The following LAMB1 variants were observed in gnomAD, a reference collection of about 807,000 sequenced individuals.
LAMB1 encodes laminin subunit beta-1.
LAMB1 carries 121 observed loss-of-function variants against 222.3 expected under a neutral mutation model. That is an observed-to-expected ratio of 0.54 (90% CI 0.47 to 0.63). The LOEUF (loss-of-function observed/expected upper bound fraction) is 0.63, where lower values mean the gene tolerates loss of function less well. LAMB1 is among the 30% of genes least tolerant of loss of function. The pLI, the probability that LAMB1 is intolerant of heterozygous loss-of-function variation, is 0.00. For synonymous variants in LAMB1, 794 were observed against 807.2 expected (o/e 0.98, Z 0.28); for missense variants, 2,172 against 2,240.8 (o/e 0.97, Z 0.62).
chr7:107,953,420 G>T, intron 22 of LAMB1, 110 bp downstream of exon 22: 2 of 863,682 alleles, frequency 2.3e-6, no homozygotes, highest in Non-Finnish European at 3.7e-6. Context: ...TTACCTCTCT[G>T]AACAAGTGTT....
At chr7:107,932,009 C>T (rs1158752027) in intron 28 of LAMB1, among the ~76,000 whole-genome samples, 165 bp downstream of exon 28, 2 of 152,204 alleles carry the variant, frequency 1.3e-5, no homozygotes, top group African/African-American at 2.4e-5. Context: ...AAAATCTCCC[C>T]ATCTCTTTCT....
At chr7:108,002,179 T>C (rs1218391631) in intron 2 of LAMB1, 1 of 1,402,056 alleles carries the variant, frequency 7.1e-7, no homozygotes, top group African/African-American at 1.4e-5. Context: ...TCGGTGTGAG[T>C]GTGCGCGTGG....
In LAMB1 at chr7:107,998,382, A is replaced by G. The variant is rs759250736; in HGVS notation, c.324T>C (p.Leu108=). The G allele has an allele frequency of 8.7e-6, 14 of 1,614,084 alleles. No individual in the cohort carries two copies. In the South Asian group the frequency reaches 1.5e-4, roughly 18 times the overall value. ...CATTTTCAGATTGCCACCAAATCTT[A>G]AGGCGGTTTGGAGCAAATGTAGTGA... ...NVVTTFAPNR[L]KIWWQSENGV... Residue 108 remains leucine (L), a synonymous_variant, in exon 4 of 34, where the codon CTT becomes CTC. Transcript: ENST00000222399.
intron 3 of LAMB1, among the ~76,000 whole-genome samples, chr7:108,001,193 G>C (rs994697389): frequency 1.3e-5 from 2 of 152,210 alleles, no homozygotes; most frequent in Admixed American, 1.3e-4. Context: ...GCGGTAGAGG[G>C]GGGTGGGGAA....
chr7:107,967,148 C>A (rs555724397), intron 13 of LAMB1, among the ~76,000 whole-genome samples: 5 of 152,356 alleles, frequency 3.3e-5, no homozygotes, highest in African/African-American at 1.2e-4. Context: ...CCCACACTGA[C>A]TTCTTATCCT....
At chr7:107,938,283 GATTAA>G (rs1220212319) in intron 25 of LAMB1, among the ~76,000 whole-genome samples, 2 of 152,192 alleles carry the variant, frequency 1.3e-5, no homozygotes, top group Non-Finnish European at 2.9e-5. Context: ...TAAAATGGTA[GATTAA>G]ATTACATTTC....
At chr7:107,928,603 C>G (rs967483750) in intron 31 of LAMB1, among the ~76,000 whole-genome samples, 2 of 152,054 alleles carry the variant, frequency 1.3e-5, no homozygotes, top group African/African-American at 4.8e-5. Context: ...AGCAATTCTC[C>G]TGCCTTAGCC....
chr7:107,964,648 G>T lies in LAMB1; in HGVS notation c.1602C>A (p.His534Gln), dbSNP rs1203685024. Residue 534 changes from histidine (H) to glutamine (Q), a missense_variant, in exon 14 of 34, where the codon CAC becomes CAA. His to Gln is a conservative substitution (Grantham distance 24, BLOSUM62 0). Transcript: ENST00000222399. ...AESGQCSCRP[H>Q]MIGRQCNEVE... ...CTTCGTTGCACTGACGTCCAATCAT[G>T]TGAGGCCGGCATGAGCACTGGCCTG... The T allele has an allele frequency of 6.2e-7, 1 of 1,614,032 alleles. No homozygotes were observed. The highest frequency in any genetic ancestry group is 1.7e-5 in the Admixed American group (1 of 60,004).
intron 24 of LAMB1, among the ~76,000 whole-genome samples, chr7:107,943,201 A>G (rs2033033254): frequency 6.6e-6 from 1 of 152,220 alleles, no homozygotes; most frequent in South Asian, 2.1e-4. Flanking sequence ...CTTATCTTGA[A>G]GATTAAAAAC....
At chr7:107,929,831 T>C (rs760912852) in intron 29 of LAMB1, 120 of 581,386 alleles carry the variant, frequency 2.1e-4, no homozygotes, top group Non-Finnish European at 3.3e-4. Flanking sequence ...AATTGAGTAC[T>C]ACTAGAATTT....
rs1184304424 is a variant in LAMB1, at chr7:107,986,194, T to G, written c.593A>C (p.Glu198Ala). The G allele has an allele frequency of 6.2e-7, 1 of 1,614,112 alleles. No homozygotes were observed. Among genetic ancestry groups the G allele is most frequent in the South Asian group, 1.1e-5 (1 of 91,070 alleles). Residue 198 changes from glutamate (E) to alanine (A), a missense_variant, in exon 6 of 34, where the codon GAA (glutamate) becomes GCA (alanine). Glu to Ala is a moderately radical substitution (Grantham distance 107). Coordinates refer to ENST00000222399, the MANE Select transcript of LAMB1 (RefSeq NM_002291.3). Reference sequence around the variant, plus strand: ...ACAAACCTCTCCTTCAGTTGAGGGTTCAATGTCAGAATATCGAGAATCACA... The same window carrying G: ...ACAAACCTCTCCTTCAGTTGAGGGTGCAATGTCAGAATATCGAGAATCACA... ...IICDSRYSDI[E>A]PSTEGEVIFR...
intron 7 of LAMB1, among the ~76,000 whole-genome samples, chr7:107,984,126 A>C (rs2034027380): frequency 6.6e-6 from 1 of 152,192 alleles, no homozygotes; most frequent in Admixed American, 6.5e-5. Flanking sequence ...AGCCCTCGCC[A>C]AGAGTGTTAG....
At chr7:108,001,522 G>A in intron 3 of LAMB1, 36 bp downstream of exon 3, 2 of 1,544,166 alleles carry the variant, frequency 1.3e-6, no homozygotes, top group South Asian at 1.2e-5. Flanking sequence ...GGGAGGAGGC[G>A]CTAGCAGAGC....
chr7:107,965,786 T>G (rs2033622832), intron 13 of LAMB1, among the ~76,000 whole-genome samples: 1 of 152,040 alleles, frequency 6.6e-6, no homozygotes, highest in Non-Finnish European at 1.5e-5. Context: ...CAGGAACACT[T>G]TGCACTCACA....
chr7:107,926,439 A>G (rs1233235269), intron 31 of LAMB1, 80 bp from the exon 32 acceptor site: 12 of 1,228,396 alleles, frequency 9.8e-6, no homozygotes, highest in Non-Finnish European at 1.3e-5. Flanking sequence ...AGGAAGATTT[A>G]AAAGTCTGCT....
At chr7:107,950,612 T>C (rs1391468858) in intron 24 of LAMB1, among the ~76,000 whole-genome samples, 1 of 152,236 alleles carries the variant, frequency 6.6e-6, no homozygotes, top group Non-Finnish European at 1.5e-5. Flanking sequence ...CACATTAAAC[T>C]GACTTGGAGC....
Position 107,953,686 on chromosome 7 carries a change from G to A in LAMB1, c.2923C>T (p.Pro975Ser), listed in dbSNP as rs1283431054. ...NPSEVGGSCQ[P>S]CQCHNNIDTT... The stretch of plus-strand genomic sequence containing the variant: ...TCAATGTTGTTGTGACACTGGCAAG[G>A]CTGACACGACCCCCCAACTTCTGAT... Residue 975 changes from proline (P) to serine (S), a missense_variant, in exon 22 of 34, where the codon CCT becomes TCT. Coordinates refer to ENST00000222399, the MANE Select transcript of LAMB1 (RefSeq NM_002291.3). 1.9e-5 allele frequency: 30 copies of A among 1,614,048 alleles called. No homozygotes were observed. The highest frequency in any genetic ancestry group is 2.4e-5 in the Non-Finnish European group (28 of 1,180,044).
At chr7:107,941,069 T>C (rs1182475723) in intron 24 of LAMB1, among the ~76,000 whole-genome samples, 1 of 152,204 alleles carries the variant, frequency 6.6e-6, no homozygotes, top group Non-Finnish European at 1.5e-5. Context: ...CTGCCAGTAC[T>C]ACAAGCAGGG....
chr7:107,936,443 T>G (rs2032849473), intron 26 of LAMB1: 2 of 152,250 alleles, frequency 1.3e-5, no homozygotes, highest in Non-Finnish European at 2.9e-5. Context: ...ATAGGTTATA[T>G]GCAAGTGCCA....
Sources: gnomAD v4.1 joint callset for allele counts (sites outside exome capture counted in the v4.1 genomes callset) on GRCh38, gnomAD v4.1.1 for gene constraint, MANE v1.5 for transcripts, NCBI Gene and HGNC (gene_info 2026-07-23, HGNC 2026-07-21) for gene names.